DRC11: variants seen among roughly 807,000 people sequenced by gnomAD.
The protein encoded by DRC11 is IQ and AAA domain-containing protein 1.
At chr2:236,437,041 C>T in the DRC11 span, among the ~76,000 whole-genome samples, 1 of 150,704 alleles carries the variant, frequency 6.6e-6, no homozygotes, top group East Asian at 1.9e-4. Flanking sequence ...GCTGCACCCA[C>T]TAACTCATCA....
the DRC11 span, among the ~76,000 whole-genome samples, chr2:236,342,328 G>C: frequency 6.6e-6 from 1 of 152,324 alleles, no homozygotes; most frequent in East Asian, 1.9e-4. This position sits in a 1 kb window ranked among gnomAD's most constrained non-coding sequence, Gnocchi z 5.8. Context: ...TCCCTAGGTG[G>C]CTGAGTGATG....
the DRC11 span, chr2:236,412,863 C>G: frequency 6.6e-6 from 1 of 152,354 alleles, no homozygotes; most frequent in African/African-American, 2.4e-5. Flanking sequence ...TTGGGTCACT[C>G]TAGCTGCTGT....
At chr2:236,421,293 C>A in the DRC11 span, among the ~76,000 whole-genome samples, 3 of 151,926 alleles carry the variant, frequency 2.0e-5, no homozygotes, top group Non-Finnish European at 4.4e-5. Context: ...AAAAGATCAA[C>A]TAAATTGATA....
chr2:236,403,875 C>T, the DRC11 span, among the ~76,000 whole-genome samples: 8 of 152,200 alleles, frequency 5.3e-5, no homozygotes, highest in African/African-American at 1.2e-4. Flanking sequence ...CTCGGGGCCC[C>T]GACTGCAACA....
the DRC11 span, among the ~76,000 whole-genome samples, chr2:236,432,334 G>A: frequency 2.6e-5 from 4 of 152,066 alleles, no homozygotes; most frequent in African/African-American, 4.8e-5. Context: ...CCTTTAACAG[G>A]TAGGTATTCT....
At chr2:236,404,706 A>G in the DRC11 span, among the ~76,000 whole-genome samples, 1 of 152,210 alleles carries the variant, frequency 6.6e-6, no homozygotes, top group Non-Finnish European at 1.5e-5. Flanking sequence ...TAATGCATAT[A>G]CCATGTAGAC....
the DRC11 span, among the ~76,000 whole-genome samples, chr2:236,454,399 G>A: frequency 6.6e-6 from 1 of 152,184 alleles, no homozygotes; most frequent in East Asian, 1.9e-4. This position sits in a 1 kb window ranked among gnomAD's most constrained non-coding sequence, Gnocchi z 5.3. Context: ...CTCTTCCTCC[G>A]TTCAACCTAA....
At chr2:236,494,798 G>A in the DRC11 span, among the ~76,000 whole-genome samples, 1 of 152,158 alleles carries the variant, frequency 6.6e-6, no homozygotes, top group Non-Finnish European at 1.5e-5. The surrounding 1 kb of genome is among the most constrained non-coding windows in gnomAD (Gnocchi z 4.2). Context: ...ACTTCTGGGA[G>A]GTGACAATGT....
At chr2:236,331,495 A>C in the DRC11 span, 1 of 1,613,962 alleles carries the variant, frequency 6.2e-7, no homozygotes. The surrounding 1 kb of genome is among the most constrained non-coding windows in gnomAD (Gnocchi z 4.8). Context: ...CACTTCGACT[A>C]TATGTCCTTG....
the DRC11 span, among the ~76,000 whole-genome samples, chr2:236,394,780 C>T: frequency 4.6e-5 from 7 of 151,978 alleles, no homozygotes; most frequent in Non-Finnish European, 7.4e-5. This position sits in a 1 kb window ranked among gnomAD's most constrained non-coding sequence, Gnocchi z 7.0. Context: ...GGTGTCTGAG[C>T]GGGGTGGGTG....
At chr2:236,382,977 T>A in the DRC11 span, among the ~76,000 whole-genome samples, 3 of 152,182 alleles carry the variant, frequency 2.0e-5, no homozygotes, top group East Asian at 5.8e-4. Context: ...TTACATCAAG[T>A]ATGGGACATT....
chr2:236,358,433 AT>A, the DRC11 span, among the ~76,000 whole-genome samples: 1 of 137,960 alleles, frequency 7.2e-6, no homozygotes, highest in Non-Finnish European at 1.6e-5. Flanking sequence ...AATATATATC[AT>A]ATATAAATAT....
the DRC11 span, among the ~76,000 whole-genome samples, chr2:236,317,368 A>C: frequency 6.6e-6 from 1 of 152,044 alleles, no homozygotes; most frequent in South Asian, 2.1e-4. This position sits in a 1 kb window ranked among gnomAD's most constrained non-coding sequence, Gnocchi z 5.4. Context: ...CTACAAGGAG[A>C]TACTACGCAG....
At chr2:236,400,950 C>T in the DRC11 span, among the ~76,000 whole-genome samples, 1 of 152,178 alleles carries the variant, frequency 6.6e-6, no homozygotes, top group Non-Finnish European at 1.5e-5. The surrounding 1 kb of genome is among the most constrained non-coding windows in gnomAD (Gnocchi z 7.9). Flanking sequence ...CTGCCCTGGC[C>T]CCTTGCTCCA....
the DRC11 span, among the ~76,000 whole-genome samples, chr2:236,318,242 C>A: frequency 6.6e-6 from 1 of 152,102 alleles, no homozygotes; most frequent in South Asian, 2.1e-4. This position sits in a 1 kb window ranked among gnomAD's most constrained non-coding sequence, Gnocchi z 7.0. Flanking sequence ...TTTCCCGCTG[C>A]ACTCGATGTA....
chr2:236,420,511 G>A, the DRC11 span, among the ~76,000 whole-genome samples: 1 of 152,158 alleles, frequency 6.6e-6, no homozygotes, highest in Non-Finnish European at 1.5e-5. This position sits in a 1 kb window ranked among gnomAD's most constrained non-coding sequence, Gnocchi z 4.8. Flanking sequence ...TGGGGGTGGG[G>A]AGACAAGGGC....
chr2:236,334,678 T>C, the DRC11 span, among the ~76,000 whole-genome samples: 8 of 152,174 alleles, frequency 5.3e-5, no homozygotes, highest in Non-Finnish European at 1.2e-4. This position sits in a 1 kb window ranked among gnomAD's most constrained non-coding sequence, Gnocchi z 7.8. Context: ...GCGCTCGAGA[T>C]GACGCAGTCT....
the DRC11 span, among the ~76,000 whole-genome samples, chr2:236,416,768 T>TATATATATATATATATATATATAA: frequency 1.6e-4 from 15 of 92,938 alleles, 1 homozygote; most frequent in Non-Finnish European, 3.1e-4. Flanking sequence ...TATATATATA[T>TATATATATATATATATATATATAA]AAATAATTTT....
the DRC11 span, among the ~76,000 whole-genome samples, chr2:236,473,051 A>C: frequency 6.6e-6 from 1 of 152,174 alleles, no homozygotes; most frequent in Admixed American, 6.5e-5. This position sits in a 1 kb window ranked among gnomAD's most constrained non-coding sequence, Gnocchi z 4.8. Context: ...AAATCCCACA[A>C]ATCACAGCAA....
Sources: gnomAD v4.1 joint callset for allele counts (sites outside exome capture counted in the v4.1 genomes callset) on GRCh38, gnomAD v4.1.1 for gene constraint, Gnocchi (gnomAD v3.1) non-coding constraint, MANE v1.5 for transcripts, NCBI Gene and HGNC (gene_info 2026-07-23, HGNC 2026-07-21) for gene names.